The following ITPKA variants were observed in gnomAD, a reference collection of about 807,000 sequenced individuals.
ITPKA encodes inositol-trisphosphate 3-kinase A, also known as IP3 3-kinase A.
ITPKA carries 16 observed loss-of-function variants against 40.7 expected under a neutral mutation model. That is an observed-to-expected ratio of 0.39 (90% CI 0.27 to 0.60). The LOEUF is 0.60. Among genes scored for constraint, ITPKA ranks in the 20% least tolerant of loss-of-function variants. ITPKA has a pLI of 0.50. For missense variants in ITPKA, 540 were observed against 649.3 expected (o/e 0.83, Z 1.83); for synonymous variants, 313 against 289.9 (o/e 1.08, Z -0.81).
chr15:41,500,481 T>C (rs1041027547), intron 1 of ITPKA, among the ~76,000 whole-genome samples: 19 of 152,178 alleles, frequency 1.2e-4, no homozygotes, highest in Non-Finnish European at 2.6e-4. Context: ...TCTCCCTAAA[T>C]GAGAGGAACC....
intron 1 of ITPKA, chr15:41,501,218 G>T (rs892879446): frequency 1.5e-6 from 1 of 687,092 alleles, no homozygotes. Flanking sequence ...GGGGGCTTCA[G>T]ATGCTAAGTC....
At chr15:41,495,858 C>G (rs150201468) in intron 1 of ITPKA, among the ~76,000 whole-genome samples, 1 of 152,242 alleles carries the variant, frequency 6.6e-6, no homozygotes. Flanking sequence ...CTCTTCCGCC[C>G]GCAGGGACTC....
intron 1 of ITPKA, among the ~76,000 whole-genome samples, chr15:41,496,152 G>C (rs910198208): frequency 6.6e-6 from 1 of 152,234 alleles, no homozygotes; most frequent in African/African-American, 2.4e-5. Context: ...GCCTGAGTCC[G>C]TGTGGAAGGG....
intron 1 of ITPKA, among the ~76,000 whole-genome samples, chr15:41,500,081 C>T (rs1473453973): frequency 6.6e-6 from 1 of 152,192 alleles, no homozygotes; most frequent in East Asian, 1.9e-4. Flanking sequence ...CTGCCTCAGC[C>T]TCCCAAGTAG....
rs1193336455 is a variant in ITPKA, at chr15:41,502,805, C to T, written c.1128C>T (p.Arg376=). Residue 376 remains arginine (R), a synonymous_variant, in exon 6 of 7, where the codon CGC becomes CGT. Transcript: ENST00000260386. ...DEEVLRRYLN[R]LQQIRDTLEV... is the part of the protein sequence containing the mutation. ...CTCTGCAGAGGCGGTATCTGAACCG[C>T]CTGCAGCAGATCCGGGACACCCTGG... 6.2e-7 allele frequency: 1 copy of T among 1,611,736 alleles called. No individual in the cohort carries two copies.
chr15:41,501,111 C>T (rs1415016626), intron 1 of ITPKA, among the ~76,000 whole-genome samples: 4 of 151,378 alleles, frequency 2.6e-5, no homozygotes, highest in African/African-American at 7.3e-5. Flanking sequence ...GGGTGACCAT[C>T]AGGTAATTCC....
At chr15:41,502,304 C>T (rs2140678833) in intron 4 of ITPKA, 98 bp from the exon 5 acceptor site, 1 of 1,390,314 alleles carries the variant, frequency 7.2e-7, no homozygotes, top group East Asian at 2.3e-5. Flanking sequence ...TCTCCCACCG[C>T]CTCGCCGTCC....
rs1327802534 is a variant in ITPKA at position 41,502,776 on chromosome 15, C to G, written c.1111-12C>G. On this transcript the variant is annotated splice_polypyrimidine_tract_variant and intron_variant, in intron 5 of 6. Coordinates refer to ENST00000260386, the MANE Select transcript of ITPKA (RefSeq NM_002220.3). ...GTTAATTTGCCCTCCTCTCCCACCC[C>G]ACCCTCTGCAGAGGCGGTATCTGAA... is the stretch of plus-strand genomic sequence containing the variant. The G allele has an allele frequency of 1.2e-5, 20 of 1,600,160 alleles. No individual in the cohort carries two copies. The highest frequency in any genetic ancestry group is 1.7e-5 in the Non-Finnish European group (20 of 1,171,930).
chr15:41,503,319 C>T lies in ITPKA; in HGVS notation c.*153C>T, dbSNP rs1434796220. ...GGTGCCAGCCACTAAGGGGGGGCAC[C>T]GCCGATGCCAGGGGTTTTGCCCACC... On this transcript the variant is annotated 3_prime_UTR_variant, in exon 7 of 7. Transcript: ENST00000260386. 3.1e-6 allele frequency: 2 copies of T among 639,632 alleles called. No individual in the cohort carries two copies. The highest frequency in any genetic ancestry group is 2.9e-5 in the Admixed American group (1 of 34,068). The allele number at this position is 639,632 out of a possible 1,614,324, so 39.6% of individuals were successfully genotyped here.
Position 41,494,277 on chromosome 15 carries a change from C to A in ITPKA, c.350C>A (p.Pro117Gln), listed in dbSNP as rs867223462. ...GCGGGCTCTTCGCACCTGCAGCAGCCGCGCCGCCTTTCCACCTCGTCGGTC... is the reference window on the plus strand; with the variant it reads ...GCGGGCTCTTCGCACCTGCAGCAGCAGCGCCGCCTTTCCACCTCGTCGGTC... ...PAAGSSHLQQ[P>Q]RRLSTSSVSS... The change falls in exon 1 of 7, where the codon CCG becomes CAG. Residue 117 changes from proline to glutamine, a missense_variant. Coordinates refer to ENST00000260386, the MANE Select transcript of ITPKA (RefSeq NM_002220.3). The surrounding 1 kb of genome is among the most constrained non-coding windows in gnomAD (Gnocchi z 7.8). 1 of 1,548,430 alleles carries A rather than the reference C, an allele frequency of 6.5e-7. No individual in the cohort carries two copies. Among genetic ancestry groups the A allele is most frequent in the Non-Finnish European group, 8.7e-7 (1 of 1,154,934 alleles).
chr15:41,501,988 C>G lies in ITPKA; in HGVS notation c.804-9C>G. The G allele has an allele frequency of 1.9e-6, 3 of 1,610,844 alleles. No homozygotes were observed. In the Admixed American group the frequency reaches 5.0e-5, roughly 27 times the overall value. On this transcript the variant is annotated splice_polypyrimidine_tract_variant and intron_variant, in intron 3 of 6. Transcript: ENST00000260386. ...CCTCATGCCCTGGCCGCTGCCTGCGCCCCCACAGGACTTACCTAGAGGAGG... is the reference window on the plus strand; with the variant it reads ...CCTCATGCCCTGGCCGCTGCCTGCGGCCCCACAGGACTTACCTAGAGGAGG...
intron 1 of ITPKA, among the ~76,000 whole-genome samples, chr15:41,496,821 A>G (rs2051075827): frequency 6.6e-6 from 1 of 152,166 alleles, no homozygotes. Flanking sequence ...CTTAGTGCAA[A>G]TCGTTTTATA....
chr15:41,500,643 G>T (rs2051102962), intron 1 of ITPKA, among the ~76,000 whole-genome samples: 1 of 152,156 alleles, frequency 6.6e-6, no homozygotes, highest in Non-Finnish European at 1.5e-5. Context: ...TCATTTTATA[G>T]ATCTTTTTCT....
At chr15:41,500,257 C>T (rs2051100765) in intron 1 of ITPKA, among the ~76,000 whole-genome samples, 1 of 152,228 alleles carries the variant, frequency 6.6e-6, no homozygotes. Context: ...CCTCGCCCAG[C>T]CCGGCATCTT....
At position 41,494,126 on chromosome 15, in the gene ITPKA, C is replaced by A. The variant is rs1290484206; in HGVS notation, c.199C>A (p.Pro67Thr). 21 of 1,438,622 alleles carry A rather than the reference C, an allele frequency of 1.5e-5. 2 individuals are homozygous for A. The South Asian group carries it at 2.8e-4, about 19-fold the overall frequency. The allele number at this position is 1,438,622 out of a possible 1,614,324, so 89.1% of individuals were successfully genotyped here. The part of the protein sequence containing the change: ...RGAKRRGGQV[P>T]NGLPRAPPAP... ...GGCCAAGCGGCGTGGGGGACAGGTCCCCAACGGGCTTCCGCGGGCTCCCCC... is the reference window on the plus strand; with the variant it reads ...GGCCAAGCGGCGTGGGGGACAGGTCACCAACGGGCTTCCGCGGGCTCCCCC... Residue 67 changes from proline to threonine, a missense_variant, in exon 1 of 7, where the codon CCC becomes ACC. Pro to Thr is a conservative substitution (Grantham distance 38). Coordinates refer to ENST00000260386, the MANE Select transcript of ITPKA (RefSeq NM_002220.3). This position sits in a 1 kb window ranked among gnomAD's most constrained non-coding sequence, Gnocchi z 7.8.
chr15:41,502,895 G>A lies in ITPKA; in HGVS notation c.1182+36G>A, dbSNP rs1426130431. ...GCTGCCCGGGTGCCCGGGCCGCGAGGGCTAGGGCGGGAACCCGGCAAGGGC... is the reference window on the plus strand; with the variant it reads ...GCTGCCCGGGTGCCCGGGCCGCGAGAGCTAGGGCGGGAACCCGGCAAGGGC... On this transcript the variant is annotated intron_variant, in intron 6 of 6. Transcript: ENST00000260386. The A allele has an allele frequency of 1.9e-6, 3 of 1,607,740 alleles. No homozygotes were observed. The African/African-American group carries it at 4.0e-5, about 21-fold the overall frequency.
chr15:41,501,371 G>A, intron 1 of ITPKA, 92 bp from the exon 2 acceptor site: 1 of 1,523,624 alleles, frequency 6.6e-7, no homozygotes, highest in Non-Finnish European at 8.8e-7. Context: ...CTTCCGGTGG[G>A]TCGGGGGCGT....
At chr15:41,498,867 T>C (rs2051091487) in intron 1 of ITPKA, among the ~76,000 whole-genome samples, 1 of 152,130 alleles carries the variant, frequency 6.6e-6, no homozygotes, top group African/African-American at 2.4e-5. Flanking sequence ...CTGGGGATAC[T>C]TTGGAACCTG....
chr15:41,494,060 G>A lies in ITPKA; in HGVS notation c.133G>A (p.Val45Ile). Reference sequence around the variant, plus strand: ...GCTCTTCGAGGCGCGCTGTGCGGCGGTCGCTGCGGCCGCCGCCGCGGGGGA... The same window carrying A: ...GCTCTTCGAGGCGCGCTGTGCGGCGATCGCTGCGGCCGCCGCCGCGGGGGA... ...RLLFEARCAA[V>I]AAAAAAGEPR... Residue 45 changes from valine to isoleucine, a missense_variant, in exon 1 of 7, where the codon GTC (valine) becomes ATC (isoleucine). Coordinates refer to ENST00000260386, the MANE Select transcript of ITPKA (RefSeq NM_002220.3). The surrounding 1 kb of genome is among the most constrained non-coding windows in gnomAD (Gnocchi z 7.8). The A allele has an allele frequency of 8.1e-7, 1 of 1,234,998 alleles. No individual in the cohort carries two copies. The highest frequency in any genetic ancestry group is 1.0e-6 in the Non-Finnish European group (1 of 991,022). 76.5% of individuals were successfully genotyped at this position (1,234,998 alleles called of 1,614,324 possible).
Sources: allele counts gnomAD v4.1 joint callset (sites outside exome capture counted in the v4.1 genomes callset), GRCh38; gene constraint gnomAD v4.1.1; non-coding constraint Gnocchi (gnomAD v3.1); transcripts MANE v1.5; gene names NCBI Gene and HGNC (gene_info 2026-07-23, HGNC 2026-07-21).